The following CADM2 variants were observed in gnomAD, a reference collection of about 807,000 sequenced individuals.
CADM2 encodes cell adhesion molecule 2, also known as immunoglobulin superfamily member 4D.
In CADM2, 12 loss-of-function variants were observed where a neutral mutation model predicts 49.8. That is an observed-to-expected ratio of 0.24 (90% confidence interval 0.15 to 0.39). CADM2 has a LOEUF of 0.39. Among genes scored for constraint, CADM2 ranks in the 10% least tolerant of loss-of-function variants. CADM2 has a pLI of 1.00. For synonymous variants in CADM2, 214 were observed against 175.4 expected, an observed-to-expected ratio of 1.22 and a Z score of -1.74; for missense variants, 378 against 492.3, an observed-to-expected ratio of 0.77 and a Z score of 2.20.
intron 8 of CADM2, among the ~76,000 whole-genome samples, chr3:86,049,897 G>T (rs1737144337): frequency 1.3e-5 from 2 of 152,106 alleles, no homozygotes; most frequent in South Asian, 4.1e-4. Context: ...CATGAAATTT[G>T]GTGGGGACAC....
chr3:85,794,538 G>A lies in CADM2; in HGVS notation c.89-7509G>A, dbSNP rs758638258. On this transcript the variant is annotated intron_variant, in intron 2 of 9. Coordinates refer to ENST00000383699, the MANE Select transcript of CADM2 (RefSeq NM_001167675.2). ...GAAGGAGAGGAAGAAAATAATAAAT[G>A]TAACTTGCTTGGAAAAGTAGCCAGC... Among the ~76,000 whole-genome samples the A allele has an allele frequency of 2.8e-4, 43 of 152,224 alleles. No homozygotes were observed. The Middle Eastern group carries it at 0.014, about 48-fold the overall frequency.
chr3:85,399,403 G>C (rs2034972956), intron 1 of CADM2, among the ~76,000 whole-genome samples: 1 of 152,156 alleles, frequency 6.6e-6, no homozygotes, highest in Non-Finnish European at 1.5e-5. Context: ...TTTGAAGTCA[G>C]GTAGTGTGAT....
rs1378648017 is a variant in CADM2, at chr3:86,014,685, T to C, written c.971-50920T>C. ...ACCCTCAGTCATGGGACAACTCAAATTCAATACACCGGAGGAACACCATGC... is the reference window on the plus strand; with the variant it reads ...ACCCTCAGTCATGGGACAACTCAAACTCAATACACCGGAGGAACACCATGC... On this transcript the variant is annotated intron_variant, in intron 8 of 9. Coordinates refer to ENST00000383699, the MANE Select transcript of CADM2 (RefSeq NM_001167675.2). The C allele has an allele frequency of 2.6e-6, 4 of 1,544,096 alleles. No individual in the cohort carries two copies. In the African/African-American group the frequency reaches 4.1e-5, roughly 16 times the overall value.
At chr3:85,956,974 T>G (rs1417913183) in intron 7 of CADM2, among the ~76,000 whole-genome samples, 3 of 151,662 alleles carry the variant, frequency 2.0e-5, no homozygotes, top group Non-Finnish European at 2.9e-5. Flanking sequence ...TTACTTCCTT[T>G]GAGTAGTATT....
rs552671515 is a variant in CADM2 at position 85,273,041 on chromosome 3, T to C, written c.61+313373T>C. Among the ~76,000 whole-genome samples, 12 of 151,228 alleles carry C rather than the reference T, an allele frequency of 7.9e-5. No homozygotes were observed. The East Asian group carries it at 9.8e-4, about 12-fold the overall frequency. ...AGGAGCCTTATCATTGCTAAGGCTG[T>C]GATTTTGGATGAAATTTTGAGGAAC... On this transcript the variant is annotated intron_variant, in intron 1 of 9. Coordinates refer to ENST00000383699, the MANE Select transcript of CADM2 (RefSeq NM_001167675.2).
At chr3:85,503,197 A>G (rs2040189405) in intron 1 of CADM2, among the ~76,000 whole-genome samples, 1 of 152,194 alleles carries the variant, frequency 6.6e-6, no homozygotes, top group Non-Finnish European at 1.5e-5. Context: ...ATGTTTACTG[A>G]GTAAAAAATT....
intron 4 of CADM2, among the ~76,000 whole-genome samples, chr3:85,883,734 T>C (rs1713155167): frequency 6.6e-6 from 1 of 152,218 alleles, no homozygotes; most frequent in South Asian, 2.1e-4. Flanking sequence ...GCTAATTTCT[T>C]TTTTATCAAA....
At chr3:85,705,918 A>G (rs1287455020) in intron 1 of CADM2, among the ~76,000 whole-genome samples, 1 of 152,220 alleles carries the variant, frequency 6.6e-6, no homozygotes, top group African/African-American at 2.4e-5. Flanking sequence ...TCTCACTCAT[A>G]TAACTTGCTC....
chr3:85,233,671 G>T (rs140809080), intron 1 of CADM2, among the ~76,000 whole-genome samples: 139 of 152,068 alleles, frequency 9.1e-4, no homozygotes, highest in African/African-American at 3.3e-3. Context: ...CAATTTTATT[G>T]AAATTGATAA....
chr3:84,984,370 A>AAAAAAAAAAC (rs2032417640), intron 1 of CADM2, among the ~76,000 whole-genome samples: 1 of 143,002 alleles, frequency 7.0e-6, no homozygotes, highest in African/African-American at 2.9e-5. Context: ...AAAAAAAAAA[A>AAAAAAAAAAC]AAAAAAAAAA....
chr3:85,715,726 A>T (rs1253760917), intron 1 of CADM2, among the ~76,000 whole-genome samples: 1 of 151,850 alleles, frequency 6.6e-6, no homozygotes, highest in South Asian at 2.1e-4. Flanking sequence ...TCATTGTTCA[A>T]CTCCCACTTA....
chr3:85,618,402 AAAGT>A (rs2063862133), intron 1 of CADM2, among the ~76,000 whole-genome samples: 1 of 152,298 alleles, frequency 6.6e-6, no homozygotes, highest in South Asian at 2.1e-4. Flanking sequence ...AAGAGTCATT[AAAGT>A]AAGTAACGAA....
chr3:86,016,373 A>G (rs1331842429), intron 8 of CADM2, among the ~76,000 whole-genome samples: 2 of 152,166 alleles, frequency 1.3e-5, no homozygotes, highest in Non-Finnish European at 2.9e-5. Context: ...CTATCTCTTA[A>G]AAGTTTTCTA....
chr3:85,686,212 TA>T (rs1375230011), intron 1 of CADM2, among the ~76,000 whole-genome samples: 1 of 152,202 alleles, frequency 6.6e-6, no homozygotes, highest in East Asian at 1.9e-4. Context: ...GACTAAAGAC[TA>T]AAGTTGATGT....
chr3:85,933,550 G>C (rs1720853334), intron 6 of CADM2, among the ~76,000 whole-genome samples: 1 of 152,104 alleles, frequency 6.6e-6, no homozygotes. Flanking sequence ...CCGGAGACAT[G>C]GAGCCAATAG....
At chr3:85,855,509 A>G (rs2075271090) in intron 3 of CADM2, among the ~76,000 whole-genome samples, 1 of 150,434 alleles carries the variant, frequency 6.6e-6, no homozygotes, top group South Asian at 2.1e-4. Flanking sequence ...ACGGTTTTAC[A>G]AAGTATTATT....
chr3:85,273,565 G>A (rs755829717), intron 1 of CADM2, among the ~76,000 whole-genome samples: 1 of 149,996 alleles, frequency 6.7e-6, no homozygotes, highest in Non-Finnish European at 1.5e-5. Flanking sequence ...ATATAAGAAC[G>A]AAATATTAAA....
intron 2 of CADM2, among the ~76,000 whole-genome samples, chr3:85,791,325 C>A (rs1467680963): frequency 6.6e-6 from 1 of 152,148 alleles, no homozygotes; most frequent in African/African-American, 2.4e-5. Flanking sequence ...CCACAACTTT[C>A]ACATTAGAAG....
intron 8 of CADM2, among the ~76,000 whole-genome samples, chr3:86,041,418 C>T (rs1735915936): frequency 6.6e-6 from 1 of 152,056 alleles, no homozygotes; most frequent in South Asian, 2.1e-4. Context: ...CAAAAAAAGG[C>T]AGGGGTTGCA....
Sources: allele counts gnomAD v4.1 joint callset (sites outside exome capture counted in the v4.1 genomes callset), GRCh38; gene constraint gnomAD v4.1.1; transcripts MANE v1.5; gene names NCBI Gene and HGNC (gene_info 2026-07-23, HGNC 2026-07-21).